CAMK1D: variants seen among roughly 807,000 people sequenced by gnomAD.
CAMK1D encodes the protein calcium/calmodulin-dependent protein kinase type 1D.
A neutral mutation model predicts 47.7 loss-of-function variants in CAMK1D; 9 were observed. The observed-to-expected ratio is 0.19, with a 90% CI of 0.11 to 0.33. The LOEUF is 0.33. CAMK1D is among the 10% of genes least tolerant of loss of function. The probability of loss-of-function intolerance (pLI) is 1.00; values close to 1 mark genes in which losing one functional copy is unlikely to be tolerated. For missense variants in CAMK1D, 291 were observed against 488.7 expected (o/e 0.60, Z 3.81); for synonymous variants, 184 against 184.9 (o/e 0.99, Z 0.04).
chr10:12,578,908 A>G (rs1380752102), intron 2 of CAMK1D: 1 of 153,994 alleles, frequency 6.5e-6, no homozygotes, highest in Non-Finnish European at 1.5e-5. Context: ...TGCTATGTGA[A>G]CACGGTGGGT....
chr10:12,801,622 A>G (rs1319392207), intron 6 of CAMK1D, among the ~76,000 whole-genome samples: 1 of 151,778 alleles, frequency 6.6e-6, no homozygotes, highest in African/African-American at 2.4e-5. Context: ...CCTTCCATCC[A>G]TCTATCTATC....
intron 1 of CAMK1D, among the ~76,000 whole-genome samples, chr10:12,419,489 C>G (rs940482630): frequency 1.3e-5 from 2 of 152,146 alleles, no homozygotes; most frequent in Non-Finnish European, 2.9e-5. Flanking sequence ...TTTCCACAGC[C>G]TTTCTTGACA....
intron 1 of CAMK1D, among the ~76,000 whole-genome samples, chr10:12,369,876 A>G (rs895041024): frequency 2.0e-5 from 3 of 151,770 alleles, no homozygotes; most frequent in African/African-American, 7.3e-5. Context: ...GAATTGCTTG[A>G]ACCTGGGAGG....
chr10:12,394,572 A>G (rs919031640), intron 1 of CAMK1D, among the ~76,000 whole-genome samples: 1 of 152,128 alleles, frequency 6.6e-6, no homozygotes, highest in African/African-American at 2.4e-5. Context: ...TCCAAATTCC[A>G]AGGGCTTTCG....
intron 3 of CAMK1D, chr10:12,725,397 C>G (rs1834577712): frequency 6.4e-6 from 1 of 155,600 alleles, no homozygotes; most frequent in African/African-American, 2.4e-5. Context: ...CCATTAAACT[C>G]AAAAGTAGGG....
chr10:12,827,655 CTCCTCT>C (rs1365115177), intron 10 of CAMK1D, among the ~76,000 whole-genome samples: 2 of 143,126 alleles, frequency 1.4e-5, no homozygotes, highest in African/African-American at 5.2e-5. Context: ...CCTCTCCTCT[CTCCTCT>C]CTCCCTTCTC....
chr10:12,662,616 C>T (rs1460070842), intron 2 of CAMK1D, among the ~76,000 whole-genome samples: 1 of 149,014 alleles, frequency 6.7e-6, no homozygotes, highest in Non-Finnish European at 1.5e-5. Flanking sequence ...TGCACCACTG[C>T]ACTCCAGCCT....
At chr10:12,727,086 T>C (rs1834677630) in intron 3 of CAMK1D, among the ~76,000 whole-genome samples, 1 of 152,218 alleles carries the variant, frequency 6.6e-6, no homozygotes, top group Admixed American at 6.5e-5. Context: ...GCACATGTGC[T>C]GACGGAGGCT....
At chr10:12,583,635 C>G (rs953665782) in intron 2 of CAMK1D, among the ~76,000 whole-genome samples, 3 of 146,522 alleles carry the variant, frequency 2.0e-5, no homozygotes, top group African/African-American at 5.1e-5. Flanking sequence ...TGGAGTCTCT[C>G]TCTGTCACCA....
intron 6 of CAMK1D, among the ~76,000 whole-genome samples, chr10:12,813,087 T>C (rs1174750648): frequency 2.6e-5 from 4 of 152,230 alleles, no homozygotes; most frequent in Non-Finnish European, 5.9e-5. Context: ...GTCAGATGCC[T>C]GTTGTCCCAC....
intron 2 of CAMK1D, among the ~76,000 whole-genome samples, chr10:12,570,680 CAA>C (rs35160242): frequency 3.8e-4 from 32 of 84,520 alleles, no homozygotes; most frequent in African/African-American, 5.7e-4. Context: ...AACTCCATCT[CAA>C]AAAAAAAAAA....
chr10:12,601,779 G>C (rs779653025), intron 2 of CAMK1D, among the ~76,000 whole-genome samples: 11 of 152,206 alleles, frequency 7.2e-5, no homozygotes, highest in Admixed American at 2.6e-4. Context: ...ATTTCTTAAA[G>C]AGACAAATTC....
chr10:12,758,630 G>A (rs929636914), intron 3 of CAMK1D, among the ~76,000 whole-genome samples: 3 of 152,194 alleles, frequency 2.0e-5, no homozygotes, highest in African/African-American at 7.2e-5. Flanking sequence ...AATATTTTAT[G>A]CAGATTTTTT....
chr10:12,446,707 C>A (rs112223869), intron 1 of CAMK1D, among the ~76,000 whole-genome samples: 1 of 152,282 alleles, frequency 6.6e-6, no homozygotes, highest in African/African-American at 2.4e-5. Flanking sequence ...TGATATAAAT[C>A]CTTTCTCTTT....
At chr10:12,736,764 G>A (rs1564526259) in intron 3 of CAMK1D, among the ~76,000 whole-genome samples, 1 of 152,142 alleles carries the variant, frequency 6.6e-6, no homozygotes, top group Admixed American at 6.5e-5. Context: ...CAGAGCCAGC[G>A]TGGTATTTAA....
intron 5 of CAMK1D, among the ~76,000 whole-genome samples, chr10:12,773,777 C>G (rs1236863635): frequency 6.6e-6 from 1 of 152,070 alleles, no homozygotes; most frequent in Non-Finnish European, 1.5e-5. Flanking sequence ...GCCTGTAATC[C>G]CAGCCTCCCT....
intron 1 of CAMK1D, among the ~76,000 whole-genome samples, chr10:12,500,995 G>A (rs577439477): frequency 9.9e-5 from 15 of 152,268 alleles, no homozygotes; most frequent in Non-Finnish European, 1.8e-4. Context: ...GCTTCCAGAG[G>A]CAACGTGCCA....
chr10:12,613,371 G>GA (rs1189250748), intron 2 of CAMK1D, among the ~76,000 whole-genome samples: 5 of 152,042 alleles, frequency 3.3e-5, no homozygotes, highest in South Asian at 4.2e-4. Context: ...AAGCCATTAA[G>GA]AAAAAAAATA....
At chr10:12,383,138 G>T (rs1367766021) in intron 1 of CAMK1D, among the ~76,000 whole-genome samples, 2 of 151,912 alleles carry the variant, frequency 1.3e-5, no homozygotes, top group African/African-American at 2.4e-5. Flanking sequence ...ACATAATCCA[G>T]GTTTCCGGGT....
Sources: allele counts gnomAD v4.1 joint callset (sites outside exome capture counted in the v4.1 genomes callset), GRCh38; gene constraint gnomAD v4.1.1; transcripts MANE v1.5; gene names NCBI Gene and HGNC (gene_info 2026-07-23, HGNC 2026-07-21).